CACNA2D3: variants seen among roughly 807,000 people sequenced by gnomAD.
CACNA2D3 encodes voltage-dependent calcium channel subunit alpha-2/delta-3.
In CACNA2D3, 60 loss-of-function variants were observed where a neutral mutation model predicts 160.6. The observed-to-expected ratio is 0.37, with a 90% confidence interval of 0.30 to 0.46. The LOEUF (loss-of-function observed/expected upper bound fraction) is 0.46. CACNA2D3 is among the 20% of genes least tolerant of loss of function. The pLI, the probability that CACNA2D3 is intolerant of heterozygous loss-of-function variation, is 1.00. For missense variants in CACNA2D3, 1,205 were observed against 1,365.0 expected (o/e 0.88, Z 1.85); for synonymous variants, 558 against 492.9 (o/e 1.13, Z -1.75).
intron 12 of CACNA2D3, among the ~76,000 whole-genome samples, chr3:54,754,279 TGTATCCAAGTC>T (rs1180983430): frequency 1.3e-5 from 2 of 152,176 alleles, no homozygotes; most frequent in Admixed American, 6.6e-5. Flanking sequence ...CCAGACTCCT[TGTATCCAAGTC>T]GTATCCAAGT....
chr3:55,010,271 T>C (rs1703180165), intron 34 of CACNA2D3, among the ~76,000 whole-genome samples: 1 of 152,048 alleles, frequency 6.6e-6, no homozygotes, highest in South Asian at 2.1e-4. Context: ...ATGAAAAAAC[T>C]ACCTATCGGG....
chr3:54,313,568 T>G (rs1269112538), intron 2 of CACNA2D3, among the ~76,000 whole-genome samples: 1 of 151,808 alleles, frequency 6.6e-6, no homozygotes, highest in Non-Finnish European at 1.5e-5. Flanking sequence ...CTTGATGACC[T>G]GGCCTCTGCT....
intron 27 of CACNA2D3, among the ~76,000 whole-genome samples, chr3:54,906,718 A>G (rs766360309): frequency 1.3e-5 from 2 of 152,314 alleles, no homozygotes; most frequent in East Asian, 3.9e-4. Flanking sequence ...CTGAATGTCA[A>G]CTATGAGATG....
rs1337082744 is a variant in CACNA2D3 at position 54,665,983 on chromosome 3, T to G, written c.1167+23742T>G. ...TGCCCAGCTAATTTTTTTGTAGGGA[T>G]GGAGTCTCACCATGTTGCCCAGGCT... On this transcript the variant is annotated intron_variant, in intron 11 of 37. Transcript: ENST00000474759. 3.9e-5 allele frequency among the ~76,000 whole-genome samples: 6 copies of G among 152,088 alleles called. No individual in the cohort carries two copies. The South Asian group carries it at 1.0e-3, about 26-fold the overall frequency.
intron 3 of CACNA2D3, among the ~76,000 whole-genome samples, chr3:54,322,526 G>C (rs1167724309): frequency 6.6e-6 from 1 of 152,210 alleles, no homozygotes; most frequent in Non-Finnish European, 1.5e-5. Context: ...ATTTGCCCAG[G>C]TCACGTGGGC....
chr3:54,918,610 C>T (rs762783233), intron 27 of CACNA2D3: 15 of 1,614,058 alleles, frequency 9.3e-6, no homozygotes, highest in African/African-American at 1.3e-5. Flanking sequence ...CACAATCCCA[C>T]ACACAACGCC....
chr3:54,225,130 T>C (rs1320669595), intron 2 of CACNA2D3, among the ~76,000 whole-genome samples: 1 of 150,984 alleles, frequency 6.6e-6, no homozygotes, highest in Non-Finnish European at 1.5e-5. Flanking sequence ...CAGGCCCCAG[T>C]GTGTGATGTT....
intron 27 of CACNA2D3, among the ~76,000 whole-genome samples, chr3:54,933,962 G>C (rs1054091624): frequency 6.6e-6 from 1 of 151,992 alleles, no homozygotes; most frequent in Non-Finnish European, 1.5e-5. Context: ...GTAGAGACGG[G>C]GTTTCGTCAT....
intron 3 of CACNA2D3, among the ~76,000 whole-genome samples, chr3:54,321,553 C>T (rs910706171): frequency 1.3e-5 from 2 of 152,080 alleles, no homozygotes; most frequent in Admixed American, 6.6e-5. Context: ...CTTTAAGGAC[C>T]GTATATGTAC....
At chr3:54,178,802 CT>C (rs1376851525) in intron 2 of CACNA2D3, among the ~76,000 whole-genome samples, 2 of 152,092 alleles carry the variant, frequency 1.3e-5, no homozygotes, top group East Asian at 3.9e-4. Context: ...GATTTTCCTC[CT>C]TTGGATCCAG....
At chr3:54,309,781 G>T (rs533033807) in intron 2 of CACNA2D3, among the ~76,000 whole-genome samples, 1 of 151,800 alleles carries the variant, frequency 6.6e-6, no homozygotes, top group Admixed American at 6.6e-5. Flanking sequence ...TGTTGCTTTC[G>T]ATATTGGTTC....
At chr3:54,384,026 G>T (rs1040896749) in intron 3 of CACNA2D3, among the ~76,000 whole-genome samples, 3 of 151,996 alleles carry the variant, frequency 2.0e-5, no homozygotes, top group Admixed American at 6.6e-5. Context: ...ACATTTCATG[G>T]ATACTGTTTC....
At chr3:54,494,640 T>G (rs1226193218) in intron 4 of CACNA2D3, among the ~76,000 whole-genome samples, 2 of 152,150 alleles carry the variant, frequency 1.3e-5, no homozygotes, top group Non-Finnish European at 2.9e-5. Flanking sequence ...TATGGAAGAT[T>G]AAGACTTCCT....
At chr3:54,885,806 T>C (rs1200316105) in intron 23 of CACNA2D3, among the ~76,000 whole-genome samples, 4 of 152,202 alleles carry the variant, frequency 2.6e-5, no homozygotes, top group African/African-American at 9.7e-5. Flanking sequence ...GCTGTTTGCA[T>C]TGGGCTTTGT....
intron 11 of CACNA2D3, among the ~76,000 whole-genome samples, chr3:54,687,144 T>G (rs1575423380): frequency 2.7e-5 from 2 of 74,498 alleles, no homozygotes; most frequent in South Asian, 3.7e-4. Flanking sequence ...TGTTTTTTTT[T>G]TTTTTTGTTT....
chr3:54,883,980 T>C (rs372007102), intron 21 of CACNA2D3, among the ~76,000 whole-genome samples: 115 of 152,272 alleles, frequency 7.6e-4, no homozygotes, highest in South Asian at 3.3e-3. Flanking sequence ...TTAAATACAA[T>C]GAAGGCAGTA....
chr3:54,769,408 AT>A (rs893630758), intron 13 of CACNA2D3, among the ~76,000 whole-genome samples: 14 of 151,640 alleles, frequency 9.2e-5, no homozygotes, highest in African/African-American at 2.2e-4. Flanking sequence ...ATAGCTCTGG[AT>A]TTTTTTTTAA....
intron 4 of CACNA2D3, among the ~76,000 whole-genome samples, chr3:54,499,589 A>G (rs1368083451): frequency 6.6e-6 from 1 of 151,814 alleles, no homozygotes; most frequent in African/African-American, 2.4e-5. Flanking sequence ...TACATCCCAC[A>G]CCTTTTGATA....
intron 11 of CACNA2D3, among the ~76,000 whole-genome samples, chr3:54,736,295 A>T (rs1701530873): frequency 6.6e-6 from 1 of 151,454 alleles, no homozygotes; most frequent in Non-Finnish European, 1.5e-5. Context: ...AAAGTTCATG[A>T]TTAAATGTAC....
Sources: allele counts gnomAD v4.1 joint callset (sites outside exome capture counted in the v4.1 genomes callset), GRCh38; gene constraint gnomAD v4.1.1; transcripts MANE v1.5; gene names NCBI Gene and HGNC (gene_info 2026-07-23, HGNC 2026-07-21).